MAGOHB: variants seen among roughly 807,000 people sequenced by gnomAD.
The protein encoded by MAGOHB is mago homolog B, exon junction complex subunit, also known as protein mago nashi homolog 2.
Under a neutral mutation model 20.9 loss-of-function variants are expected in MAGOHB, and 15 were observed. The observed-to-expected ratio is 0.72, with a 90% CI of 0.48 to 1.11. The LOEUF (loss-of-function observed/expected upper bound fraction) is 1.11, where lower values mean the gene tolerates loss of function less well. Ranked by LOEUF, MAGOHB falls within the 50% of genes least tolerant of loss-of-function variation. The pLI is 0.00. For synonymous variants in MAGOHB, 50 were observed against 57.9 expected, an observed-to-expected ratio of 0.86 and a Z score of 0.62; for missense variants, 162 against 177.6, an observed-to-expected ratio of 0.91 and a Z score of 0.50.
chr12:10,612,839 G>C, intron 1 of MAGOHB: 2 of 1,289,048 alleles, frequency 1.6e-6, no homozygotes, highest in South Asian at 2.5e-5. Context: ...ATACTGCTCT[G>C]GAAGTCTGTT....
chr12:10,610,454 G>A (rs1000990070), intron 2 of MAGOHB, among the ~76,000 whole-genome samples, 168 bp downstream of exon 2: 1 of 151,894 alleles, frequency 6.6e-6, no homozygotes, highest in South Asian at 2.1e-4. Flanking sequence ...TCCTATGGAT[G>A]CAAACACTGT....
At position 10,605,454 on chromosome 12, in the gene MAGOHB, A is replaced by G. The variant is rs1362849588; in HGVS notation, c.*821T>C. ...AAAGGAAACAAGGAACATGGTTACT[A>G]AAAGTAATGAAAGAGGAAATCTATC... On this transcript the variant is annotated 3_prime_UTR_variant, in exon 5 of 5. Coordinates refer to ENST00000320756, the MANE Select transcript of MAGOHB (RefSeq NM_018048.5). 2 of 152,234 alleles carry G rather than the reference A, an allele frequency of 1.3e-5. No homozygotes were observed. Among genetic ancestry groups the G allele is most frequent in the African/African-American group, 4.8e-5 (2 of 41,454 alleles). The allele number at this position is 152,234 out of a possible 1,614,324, so 9.4% of individuals were successfully genotyped here. A position where few individuals can be genotyped will look rare whatever the true frequency, so the allele number is the denominator to read the frequency against.
chr12:10,612,594 C>A, intron 1 of MAGOHB: 6 of 952,492 alleles, frequency 6.3e-6, no homozygotes, highest in Non-Finnish European at 7.8e-6. Flanking sequence ...TGCCTCCCAC[C>A]AAGACAAATC....
chr12:10,612,247 T>TAACATA (rs1555146632), intron 1 of MAGOHB, among the ~76,000 whole-genome samples: 2,169 of 139,054 alleles, frequency 0.016, 62 homozygotes, highest in African/African-American at 0.054. Context: ...TAACATAACA[T>TAACATA]AATTAGCTGG....
chr12:10,603,381 TTTC>T (rs375812690), downstream of MAGOHB, among the ~76,000 whole-genome samples: 188 of 152,246 alleles, frequency 1.2e-3, no homozygotes, highest in East Asian at 6.6e-3. Flanking sequence ...CCTGTTTGTC[TTTC>T]TTGTCTTTAC....
intron 3 of MAGOHB, 156 bp downstream of exon 3, chr12:10,609,675 C>G (rs1437614852): frequency 1.7e-6 from 1 of 594,868 alleles, no homozygotes; most frequent in Non-Finnish European, 2.9e-6. Flanking sequence ...CACAGAAAAA[C>G]AGAACTAAGA....
chr12:10,611,172 T>C (rs554511722), intron 1 of MAGOHB, among the ~76,000 whole-genome samples: 1 of 152,342 alleles, frequency 6.6e-6, no homozygotes, highest in Admixed American at 6.5e-5. Context: ...CTTTCAATAC[T>C]CAGGCTTTCC....
intron 2 of MAGOHB, among the ~76,000 whole-genome samples, chr12:10,610,369 ACT>A (rs1865702579): frequency 6.6e-6 from 1 of 152,072 alleles, no homozygotes; most frequent in African/African-American, 2.4e-5. Flanking sequence ...ACAGAGCGAG[ACT>A]CTGTCCCTAA....
chr12:10,606,121 T>C lies in MAGOHB; in HGVS notation c.*154A>G, dbSNP rs559273640. 3 of 505,274 alleles carry C rather than the reference T, an allele frequency of 5.9e-6. No homozygotes were observed. The highest frequency in any genetic ancestry group is 5.2e-4 in the Middle Eastern group (1 of 1,932). 31.3% of individuals were successfully genotyped at this position (505,274 alleles called of 1,614,324 possible). A position where few individuals can be genotyped will look rare whatever the true frequency, so the allele number is the denominator to read the frequency against. On this transcript the variant is annotated 3_prime_UTR_variant, in exon 5 of 5. Coordinates refer to ENST00000320756, the MANE Select transcript of MAGOHB (RefSeq NM_018048.5). ...CAACCCATATGGACTCAAGTAAGGA[T>C]AACCATTAAGCTTGCTAATGTATTT...
Position 10,605,994 on chromosome 12 carries a change from C to A in MAGOHB, c.*281G>T, listed in dbSNP as rs541700921. 11 of 192,800 alleles carry A rather than the reference C, an allele frequency of 5.7e-5. No individual in the cohort carries two copies. The highest frequency in any genetic ancestry group is 7.4e-5 in the Non-Finnish European group (7 of 95,040). 11.9% of individuals were successfully genotyped at this position (192,800 alleles called of 1,614,324 possible). On this transcript the variant is annotated 3_prime_UTR_variant, in exon 5 of 5. Coordinates refer to ENST00000320756, the MANE Select transcript of MAGOHB (RefSeq NM_018048.5). ...TAGAGACATAGCCTCCTGGAAAAAA[C>A]AAAAAACTACTCTGCAACCAGGATT...
intron 3 of MAGOHB, chr12:10,609,362 A>G (rs1865683073): frequency 2.3e-6 from 1 of 441,780 alleles, no homozygotes; most frequent in African/African-American, 2.0e-5. Flanking sequence ...GTTCTTCAGA[A>G]GCCTGAGAAA....
chr12:10,603,313 CAAAAA>C (rs11296285), downstream of MAGOHB, among the ~76,000 whole-genome samples: 6 of 75,126 alleles, frequency 8.0e-5, no homozygotes, highest in African/African-American at 1.4e-4. Flanking sequence ...GACTCCGTCT[CAAAAA>C]AAAAAAAAAA....
intron 3 of MAGOHB, chr12:10,608,578 A>G (rs1865669357): frequency 6.6e-6 from 1 of 150,682 alleles, no homozygotes; most frequent in East Asian, 2.0e-4. Context: ...ACTCCACAAA[A>G]TAACTAAAAT....
rs1442587048 is a variant in MAGOHB at position 10,609,723 on chromosome 12, TAGAA to T, written c.264+104_264+107del. On this transcript the variant is annotated intron_variant, in intron 3 of 4. Coordinates refer to ENST00000320756, the MANE Select transcript of MAGOHB (RefSeq NM_018048.5). ...GAGAATTTACCAGGTGCCTATTAAATAGAAAGCCAAAGAATCAACTTAGACTCAT... is the reference window on the plus strand; with the variant it reads ...GAGAATTTACCAGGTGCCTATTAAATAGCCAAAGAATCAACTTAGACTCAT... 8.5e-6 allele frequency: 6 copies of T among 707,398 alleles called. No individual in the cohort carries two copies. The Admixed American group carries it at 1.4e-4, about 17-fold the overall frequency. 43.8% of individuals were successfully genotyped at this position (707,398 alleles called of 1,614,324 possible).
rs974586071 is a variant in MAGOHB, at chr12:10,613,585, T to C, written c.-53A>G. ...CGCAGCCAACGTGTCCCCCGGCGCCTTGCAGTGACGTCATCGCGCGGAATA... is the reference window on the plus strand; with the variant it reads ...CGCAGCCAACGTGTCCCCCGGCGCCCTGCAGTGACGTCATCGCGCGGAATA... On this transcript the variant is annotated 5_prime_UTR_variant, in exon 1 of 5. Coordinates refer to ENST00000320756, the MANE Select transcript of MAGOHB (RefSeq NM_018048.5). 44 of 1,219,048 alleles carry C rather than the reference T, an allele frequency of 3.6e-5. No homozygotes were observed. Among genetic ancestry groups the C allele is most frequent in the Non-Finnish European group, 5.0e-5 (41 of 819,420 alleles). 75.5% of individuals were successfully genotyped at this position (1,219,048 alleles called of 1,614,324 possible).
In MAGOHB at chr12:10,606,302, T is replaced by C. The variant is rs1865628890; in HGVS notation, c.420A>G (p.Gly140=). 6.4e-7 allele frequency: 1 copy of C among 1,559,396 alleles called. No individual in the cohort carries two copies. Among genetic ancestry groups the C allele is most frequent in the African/African-American group, 1.4e-5 (1 of 73,280 alleles). ...DLKCLVFSLI[G]LHFKIKPI ...AAATTGGTTTAATCTTGAAGTGTAATCCAATAAGACTGAAAACTAAACATT... is the reference window on the plus strand; with the variant it reads ...AAATTGGTTTAATCTTGAAGTGTAACCCAATAAGACTGAAAACTAAACATT... The change falls in exon 5 of 5, where the codon GGA becomes GGG. Residue 140 remains glycine, a synonymous_variant. Coordinates refer to ENST00000320756, the MANE Select transcript of MAGOHB (RefSeq NM_018048.5).
Position 10,610,612 on chromosome 12 carries a change from T to TAAAAAA in MAGOHB, c.153+9_153+10insTTTTTT. 1 of 1,393,730 alleles carries TAAAAAA rather than the reference T, an allele frequency of 7.2e-7. No individual in the cohort carries two copies. The highest frequency in any genetic ancestry group is 9.5e-7 in the Non-Finnish European group (1 of 1,052,052). The allele number at this position is 1,393,730 out of a possible 1,614,324, so 86.3% of individuals were successfully genotyped here. A position where few individuals can be genotyped will look rare whatever the true frequency, so the allele number is the denominator to read the frequency against. ...AAAAAAAAAAAAAAAGACATTCACA[T>TAAAAAA]AGAACTTACCTCTTTTCTGATCATG... On this transcript the variant is annotated intron_variant, in intron 2 of 4. Coordinates refer to ENST00000320756, the MANE Select transcript of MAGOHB (RefSeq NM_018048.5).
intron 3 of MAGOHB, 198 bp from the exon 4 acceptor site, chr12:10,608,134 C>T (rs1401603037): frequency 7.3e-6 from 3 of 408,958 alleles, no homozygotes; most frequent in Admixed American, 4.7e-5. Context: ...ACGCGCACTA[C>T]CCCCAAGTTT....
downstream of MAGOHB, among the ~76,000 whole-genome samples, chr12:10,601,228 T>G (rs1865551911): frequency 6.6e-6 from 1 of 152,166 alleles, no homozygotes; most frequent in African/African-American, 2.4e-5. Flanking sequence ...AGAGATACTG[T>G]CACGTATTGG....
Sources: allele counts gnomAD v4.1 joint callset (sites outside exome capture counted in the v4.1 genomes callset), GRCh38; gene constraint gnomAD v4.1.1; transcripts MANE v1.5; gene names NCBI Gene and HGNC (gene_info 2026-07-23, HGNC 2026-07-21).